LRFN2: variants seen among roughly 807,000 people sequenced by gnomAD.
LRFN2 encodes leucine rich repeat and fibronectin type III domain containing 2, also known as leucine-rich repeat and fibronectin type-III domain-containing protein 2.
Under a neutral mutation model 37.3 loss-of-function variants are expected in LRFN2, and 18 were observed. The ratio of observed to expected loss-of-function variants is 0.48; its 90% CI spans 0.33 to 0.72. The LOEUF (loss-of-function observed/expected upper bound fraction) is 0.72, where lower values mean the gene tolerates loss of function less well. Ranked by LOEUF, LRFN2 falls within the 30% of genes least tolerant of loss-of-function variation. The probability of loss-of-function intolerance (pLI) is 0.02; values close to 1 mark genes in which losing one functional copy is unlikely to be tolerated. For missense variants in LRFN2, 1,006 were observed against 1,060.7 expected (o/e 0.95, Z 0.72); for synonymous variants, 556 against 466.6 (o/e 1.19, Z -2.47).
chr6:40,494,065 C>T (rs1765163380), intron 1 of LRFN2, among the ~76,000 whole-genome samples: 1 of 152,208 alleles, frequency 6.6e-6, no homozygotes, highest in South Asian at 2.1e-4. Context: ...TTGGTCAGTC[C>T]TATGTTTACA....
rs535365304 is a variant in LRFN2 at position 40,585,321 on chromosome 6, G to A, written c.-19+1620C>T. ...GCATGTGAGGAGGCCAGAGGGAGATGCAACTCTGCACTCCCAGCCAGAGTC... is the reference window on the plus strand; with the variant it reads ...GCATGTGAGGAGGCCAGAGGGAGATACAACTCTGCACTCCCAGCCAGAGTC... On this transcript the variant is annotated intron_variant, in intron 1 of 2. Coordinates refer to ENST00000338305, the MANE Select transcript of LRFN2 (RefSeq NM_020737.3). 1.3e-3 allele frequency among the ~76,000 whole-genome samples: 191 copies of A among 152,244 alleles called. 1 individual carries two copies. The highest frequency in any genetic ancestry group is 4.5e-3 in the African/African-American group (185 of 41,530).
chr6:40,437,955 G>A (rs1763731116), intron 1 of LRFN2, among the ~76,000 whole-genome samples: 1 of 152,196 alleles, frequency 6.6e-6, no homozygotes, highest in Non-Finnish European at 1.5e-5. Flanking sequence ...GGAACAAAGA[G>A]ATAAATGAAA....
At chr6:40,447,186 C>A (rs1763992811) in intron 1 of LRFN2, among the ~76,000 whole-genome samples, 1 of 152,250 alleles carries the variant, frequency 6.6e-6, no homozygotes. Flanking sequence ...CCTCATTATC[C>A]TATTAGTTTT....
chr6:40,520,678 A>G (rs1420992701), intron 1 of LRFN2, among the ~76,000 whole-genome samples: 1 of 151,996 alleles, frequency 6.6e-6, no homozygotes, highest in Admixed American at 6.6e-5. Context: ...GGTGCCAGCA[A>G]GGAGAGGGGC....
At chr6:40,556,749 A>ACACG (rs1238322731) in intron 1 of LRFN2, among the ~76,000 whole-genome samples, 1 of 141,040 alleles carries the variant, frequency 7.1e-6, no homozygotes, top group Admixed American at 6.9e-5. Flanking sequence ...ACACACACAC[A>ACACG]CACGCACACA....
intron 1 of LRFN2, among the ~76,000 whole-genome samples, chr6:40,584,668 C>T (rs1767468911): frequency 6.6e-6 from 1 of 152,154 alleles, no homozygotes; most frequent in Admixed American, 6.5e-5. Context: ...TCCAATTTCA[C>T]TTCTCCACTG....
intron 1 of LRFN2, among the ~76,000 whole-genome samples, chr6:40,586,529 G>C (rs112318742): frequency 0.041 from 6,277 of 151,670 alleles, 192 homozygotes; most frequent in African/African-American, 0.083. Context: ...AGTCCCCGGC[G>C]CCCCCACCTA....
At chr6:40,550,469 C>T (rs1300185348) in intron 1 of LRFN2, among the ~76,000 whole-genome samples, 2 of 152,088 alleles carry the variant, frequency 1.3e-5, no homozygotes, top group South Asian at 2.1e-4. Context: ...AGGGGGCATC[C>T]GTCAAAGTAG....
chr6:40,512,506 C>A (rs929067497), intron 1 of LRFN2, among the ~76,000 whole-genome samples: 2 of 152,108 alleles, frequency 1.3e-5, no homozygotes, highest in East Asian at 1.9e-4. Flanking sequence ...TCAGACACAC[C>A]CTGATTGCAG....
intron 1 of LRFN2, among the ~76,000 whole-genome samples, chr6:40,514,972 C>T (rs969334675): frequency 4.6e-5 from 7 of 152,232 alleles, no homozygotes; most frequent in African/African-American, 1.7e-4. Context: ...CCTGGGCCAG[C>T]CACCTGGGCA....
At chr6:40,436,775 G>A (rs575781943) in intron 1 of LRFN2, among the ~76,000 whole-genome samples, 6 of 152,284 alleles carry the variant, frequency 3.9e-5, no homozygotes, top group African/African-American at 1.2e-4. Context: ...GGGCCTCATA[G>A]AACAAAATGA....
intron 1 of LRFN2, among the ~76,000 whole-genome samples, chr6:40,583,438 T>G (rs1241955424): frequency 6.6e-6 from 1 of 152,310 alleles, no homozygotes; most frequent in South Asian, 2.1e-4. Flanking sequence ...AGTGTCCACC[T>G]GCCTGGCCTG....
intron 1 of LRFN2, among the ~76,000 whole-genome samples, chr6:40,522,773 T>C (rs1246472925): frequency 6.6e-6 from 1 of 152,166 alleles, no homozygotes; most frequent in Non-Finnish European, 1.5e-5. Context: ...GCTGCATCTA[T>C]GTGGGACCCC....
rs891205914 is a variant in LRFN2, at chr6:40,550,574, A to G, written c.-19+36367T>C. ...TTTCCACCCCAGACTAGCTAACCAA[A>G]GAAAGCATGCACTGCCAGAAGAAGG... On this transcript the variant is annotated intron_variant, in intron 1 of 2. Transcript: ENST00000338305. Among the ~76,000 whole-genome samples, 9 of 152,336 alleles carry G rather than the reference A, an allele frequency of 5.9e-5. 1 individual carries two copies. In the South Asian group the frequency reaches 1.4e-3, roughly 25 times the overall value.
At chr6:40,404,811 A>G (rs1156414942) in intron 2 of LRFN2, among the ~76,000 whole-genome samples, 2 of 152,194 alleles carry the variant, frequency 1.3e-5, no homozygotes, top group Non-Finnish European at 2.9e-5. Context: ...GCAGTTCCCC[A>G]TTCTCTCTGA....
chr6:40,449,881 GA>G (rs113777880), intron 1 of LRFN2, among the ~76,000 whole-genome samples: 3 of 151,376 alleles, frequency 2.0e-5, no homozygotes, highest in African/African-American at 7.3e-5. Flanking sequence ...ACATGATAGA[GA>G]AAAAAAAATT....
chr6:40,398,496 A>G (rs546091510), intron 2 of LRFN2, among the ~76,000 whole-genome samples: 1 of 151,888 alleles, frequency 6.6e-6, no homozygotes, highest in South Asian at 2.1e-4. Context: ...AGTGCAGGGC[A>G]AGGCGGAGGA....
chr6:40,450,207 C>A (rs1456139104), intron 1 of LRFN2, among the ~76,000 whole-genome samples: 1 of 152,190 alleles, frequency 6.6e-6, no homozygotes, highest in Non-Finnish European at 1.5e-5. Flanking sequence ...CTTGCCTCAC[C>A]TTCCCTACCT....
chr6:40,496,036 C>T (rs1765217656), intron 1 of LRFN2, among the ~76,000 whole-genome samples: 1 of 152,094 alleles, frequency 6.6e-6, no homozygotes, highest in Non-Finnish European at 1.5e-5. Flanking sequence ...GGAGCCTCTC[C>T]CAACTCAGAA....
Sources: allele counts gnomAD v4.1 joint callset (sites outside exome capture counted in the v4.1 genomes callset), GRCh38; gene constraint gnomAD v4.1.1; transcripts MANE v1.5; gene names NCBI Gene and HGNC (gene_info 2026-07-23, HGNC 2026-07-21).